UPF2: variants seen among roughly 807,000 people sequenced by gnomAD.
The protein encoded by UPF2 is regulator of nonsense transcripts 2.
In UPF2, 17 loss-of-function variants were observed where a neutral mutation model predicts 141.4. The observed-to-expected ratio is 0.12, with a 90% CI of 0.08 to 0.18. The LOEUF (loss-of-function observed/expected upper bound fraction) is 0.18. UPF2 is among the 10% of genes least tolerant of loss of function. The pLI is 1.00. For missense variants in UPF2, 1,152 were observed against 1,515.9 expected (o/e 0.76, Z 3.99); for synonymous variants, 540 against 498.0 (o/e 1.08, Z -1.12).
At chr10:12,031,681 C>CG (rs1304444941) in intron 2 of UPF2, among the ~76,000 whole-genome samples, 5 of 151,882 alleles carry the variant, frequency 3.3e-5, no homozygotes, top group African/African-American at 4.8e-5. Flanking sequence ...GAGGCTGAGA[C>CG]GGGGGGATCG....
Position 11,920,925 on chromosome 10 carries a change from TC to T in UPF2, c.*372del. On this transcript the variant is annotated 3_prime_UTR_variant, in exon 22 of 22. Coordinates refer to ENST00000357604, the MANE Select transcript of UPF2 (RefSeq NM_015542.4). ...ATCAAGTTTAAAGCTCAAGTTCATT[TC>T]CCCCACACCATTACCATCACAACCC... The T allele has an allele frequency of 4.2e-6, 2 of 474,798 alleles. No homozygotes were observed. Among genetic ancestry groups the T allele is most frequent in the South Asian group, 1.6e-5 (1 of 63,974 alleles). The allele number at this position is 474,798 out of a possible 1,614,324, so 29.4% of individuals were successfully genotyped here.
At chr10:12,032,164 C>T (rs1834535613) in intron 2 of UPF2, among the ~76,000 whole-genome samples, 1 of 151,906 alleles carries the variant, frequency 6.6e-6, no homozygotes, top group African/African-American at 2.4e-5. Context: ...CATGGTGGCA[C>T]ATGCCTGTAA....
chr10:12,006,891 G>A (rs1205372928), intron 4 of UPF2, among the ~76,000 whole-genome samples: 1 of 152,042 alleles, frequency 6.6e-6, no homozygotes, highest in Non-Finnish European at 1.5e-5. Context: ...CTCTACGATG[G>A]AGCCAAGTCA....
At chr10:11,978,248 C>T (rs763918965) in intron 9 of UPF2, among the ~76,000 whole-genome samples, 1 of 152,166 alleles carries the variant, frequency 6.6e-6, no homozygotes, top group Non-Finnish European at 1.5e-5. Context: ...GGACATTTCC[C>T]GTTTTCATTT....
intron 8 of UPF2, among the ~76,000 whole-genome samples, chr10:11,988,485 G>T (rs950128811): frequency 7.2e-5 from 11 of 152,082 alleles, no homozygotes; most frequent in Non-Finnish European, 1.6e-4. Flanking sequence ...CTTATTTTTT[G>T]TAGAGGATGG....
chr10:11,938,182 T>C (rs553249803), intron 18 of UPF2, among the ~76,000 whole-genome samples: 20 of 152,330 alleles, frequency 1.3e-4, no homozygotes, highest in African/African-American at 4.6e-4. Flanking sequence ...TGCATATTGC[T>C]GTACACTCAA....
In UPF2 at chr10:12,011,822, G is replaced by A. The variant is rs370159571; in HGVS notation, c.1306+2202C>T. Reference sequence around the variant, plus strand: ...TAGCCGGGTGTAGTGGCACATGCCTGTAATCCCAGCTACTCAGGAGGCTGA... The same window carrying A: ...TAGCCGGGTGTAGTGGCACATGCCTATAATCCCAGCTACTCAGGAGGCTGA... On this transcript the variant is annotated intron_variant, in intron 4 of 21. Coordinates refer to ENST00000357604, the MANE Select transcript of UPF2 (RefSeq NM_015542.4). 5.0e-4 allele frequency among the ~76,000 whole-genome samples: 76 copies of A among 151,686 alleles called. 1 individual carries two copies. The East Asian group carries it at 0.013, about 26-fold the overall frequency.
chr10:11,988,315 A>G (rs1833727613), intron 8 of UPF2, among the ~76,000 whole-genome samples: 1 of 152,184 alleles, frequency 6.6e-6, no homozygotes, highest in South Asian at 2.1e-4. Flanking sequence ...TTATTTTTGT[A>G]ATTTTTGTAA....
intron 1 of UPF2, among the ~76,000 whole-genome samples, chr10:12,039,648 G>A (rs1218751306): frequency 6.8e-6 from 1 of 146,226 alleles, no homozygotes; most frequent in Admixed American, 6.9e-5. Context: ...TTGAGATGGA[G>A]TCTCACTCTG....
chr10:11,948,727 AAAAAT>A, intron 15 of UPF2, among the ~76,000 whole-genome samples: 1 of 152,222 alleles, frequency 6.6e-6, no homozygotes, highest in East Asian at 1.9e-4. Context: ...AAAAGCGAGA[AAAAAT>A]AAGTGTATGT....
At chr10:11,945,933 A>T (rs1229330114) in intron 16 of UPF2, among the ~76,000 whole-genome samples, 3 of 152,152 alleles carry the variant, frequency 2.0e-5, no homozygotes, top group Non-Finnish European at 4.4e-5. Flanking sequence ...GAATTCTATT[A>T]CTGAATGTTT....
At position 11,997,751 on chromosome 10, in the gene UPF2, T is replaced by C. The variant is rs765570080; in HGVS notation, c.1765A>G (p.Met589Val). The change falls in exon 8 of 22, where the codon ATG (methionine) becomes GTG (valine). Residue 589 changes from methionine to valine, a missense_variant. Physicochemically the swap from Met to Val is conservative, Grantham distance 21. Coordinates refer to ENST00000357604, the MANE Select transcript of UPF2 (RefSeq NM_015542.4). Reference sequence around the variant, plus strand: ...GTGTTCATGTTCATGCAAAAATCCATTGCTGCCTATTGGGAAAAAGTAAAC... The same window carrying C: ...GTGTTCATGTTCATGCAAAAATCCACTGCTGCCTATTGGGAAAAAGTAAAC... Reference protein sequence around the residue: ...VNRDLIDKAAMDFCMNMNTKA... With the variant: ...VNRDLIDKAAVDFCMNMNTKA... 8.7e-6 allele frequency: 14 copies of C among 1,613,650 alleles called. No individual in the cohort carries two copies. The highest frequency in any genetic ancestry group is 2.2e-5 in the South Asian group (2 of 91,068).
At chr10:12,015,284 T>C (rs12220044) in intron 3 of UPF2, among the ~76,000 whole-genome samples, 32,978 of 152,188 alleles carry the variant, frequency 0.22, 3,906 homozygotes, top group East Asian at 0.46. Flanking sequence ...TTCCATCTTC[T>C]AAAAGTTACA....
rs1325232452 is a variant in UPF2 at position 11,921,377 on chromosome 10, G to A, written c.3810-70C>T. The A allele has an allele frequency of 1.4e-5, 22 of 1,593,552 alleles. No individual in the cohort carries two copies. Among genetic ancestry groups the A allele is most frequent in the Non-Finnish European group, 1.8e-5 (21 of 1,162,822 alleles). On this transcript the variant is annotated intron_variant, in intron 21 of 21. Coordinates refer to ENST00000357604, the MANE Select transcript of UPF2 (RefSeq NM_015542.4). This position sits in a 1 kb window ranked among gnomAD's most constrained non-coding sequence, Gnocchi z 5.9. ...GACAAAGTCCAGCAAGATGGCGTCT[G>A]CAACGCTACCCACCACCACCAAGTC...
At chr10:12,039,307 G>T (rs1022602140) in intron 1 of UPF2, among the ~76,000 whole-genome samples, 1 of 152,056 alleles carries the variant, frequency 6.6e-6, no homozygotes, top group African/African-American at 2.4e-5. Flanking sequence ...TTGTGAGATG[G>T]GAGACATGCT....
Position 11,957,483 on chromosome 10 carries a change from G to C in UPF2, c.2371-960C>G, listed in dbSNP as rs148566734. 1.6e-3 allele frequency among the ~76,000 whole-genome samples: 242 copies of C among 151,646 alleles called. 1 individual carries two copies. Among genetic ancestry groups the C allele is most frequent in the African/African-American group, 5.4e-3 (224 of 41,404 alleles). The stretch of plus-strand genomic sequence containing the variant: ...TTATGAAAAATAACATGCTCTCTTT[G>C]GTGCATAATTTGACATAAATAATCT... On this transcript the variant is annotated intron_variant, in intron 12 of 21. Transcript: ENST00000357604.
rs960839678 is a variant in UPF2 at position 11,953,786 on chromosome 10, A to G, written c.2850+1446T>C. 6.6e-6 allele frequency among the ~76,000 whole-genome samples: 1 copy of G among 152,218 alleles called. No individual in the cohort carries two copies. Among genetic ancestry groups the G allele is most frequent in the African/African-American group, 2.4e-5 (1 of 41,456 alleles). Reference sequence around the variant, plus strand: ...TTCCCCACTTTTTGCTCATCAATTCAGAAAGTAAGGGAGTAATAGGTTTCC... The same window carrying G: ...TTCCCCACTTTTTGCTCATCAATTCGGAAAGTAAGGGAGTAATAGGTTTCC... On this transcript the variant is annotated intron_variant, in intron 14 of 21. Coordinates refer to ENST00000357604, the MANE Select transcript of UPF2 (RefSeq NM_015542.4). The surrounding 1 kb of genome is among the most constrained non-coding windows in gnomAD (Gnocchi z 5.0).
intron 21 of UPF2, among the ~76,000 whole-genome samples, chr10:11,925,154 G>T (rs1454765895): frequency 1.3e-5 from 2 of 152,074 alleles, no homozygotes; most frequent in Non-Finnish European, 2.9e-5. Context: ...AAGAACATCT[G>T]GTCCTCTAAA....
intron 1 of UPF2, among the ~76,000 whole-genome samples, chr10:12,036,376 C>T (rs1834625664): frequency 6.6e-6 from 1 of 152,176 alleles, no homozygotes; most frequent in African/African-American, 2.4e-5. Context: ...CTGCACTAGT[C>T]ATATGTGGTT....
Sources: gnomAD v4.1 joint callset for allele counts (sites outside exome capture counted in the v4.1 genomes callset) on GRCh38, gnomAD v4.1.1 for gene constraint, Gnocchi (gnomAD v3.1) non-coding constraint, MANE v1.5 for transcripts, NCBI Gene and HGNC (gene_info 2026-07-23, HGNC 2026-07-21) for gene names.